The following MAEA variants were observed in gnomAD, a reference collection of about 807,000 sequenced individuals.
MAEA encodes the protein E3 ubiquitin-protein transferase MAEA.
MAEA carries 22 observed loss-of-function variants against 46.2 expected under a neutral mutation model. That is an observed-to-expected ratio of 0.48 (90% confidence interval 0.34 to 0.68). MAEA has a LOEUF of 0.68. MAEA is among the 30% of genes least tolerant of loss of function. The pLI, the probability that MAEA is intolerant of heterozygous loss-of-function variation, is 0.01. For synonymous variants in MAEA, 246 were observed against 222.6 expected, an observed-to-expected ratio of 1.11 and a Z score of -0.94; for missense variants, 393 against 558.1, an observed-to-expected ratio of 0.70 and a Z score of 2.98.
At chr4:1,320,036 GA>G (rs1737834256) in intron 3 of MAEA, among the ~76,000 whole-genome samples, 1 of 120,046 alleles carries the variant, frequency 8.3e-6, no homozygotes. Context: ...CTCCAGAAAA[GA>G]AATCATCAAA....
intron 1 of MAEA, among the ~76,000 whole-genome samples, chr4:1,307,810 C>T (rs141088798): frequency 6.6e-6 from 1 of 152,314 alleles, no homozygotes; most frequent in Non-Finnish European, 1.5e-5. Flanking sequence ...ATTGCTTATC[C>T]TCTGACTTTC....
chr4:1,291,477 G>T (rs1338620289), intron 1 of MAEA, among the ~76,000 whole-genome samples: 1 of 152,212 alleles, frequency 6.6e-6, no homozygotes, highest in Non-Finnish European at 1.5e-5. Context: ...TTGGTTTAGA[G>T]ATGGAGACCC....
Position 1,332,896 on chromosome 4 carries a change from T to C in MAEA, c.765+31T>C, listed in dbSNP as rs370861972. On this transcript the variant is annotated intron_variant, in intron 6 of 8. Coordinates refer to ENST00000303400, the MANE Select transcript of MAEA (RefSeq NM_001017405.3). ...GCGTGCGTCCCTGGGGTCGGTGTCA[T>C]GCTGGGGTGGGGATCCAGGGTGTGT... The C allele has an allele frequency of 5.8e-6, 9 of 1,545,250 alleles. No homozygotes were observed. In the East Asian group the frequency reaches 9.3e-5, roughly 16 times the overall value.
chr4:1,323,628 A>G (rs1738426289), intron 4 of MAEA: 1 of 702,468 alleles, frequency 1.4e-6, no homozygotes, highest in East Asian at 2.7e-5. Flanking sequence ...CTGCGGCCCC[A>G]CTACACAGTG....
At chr4:1,335,563 G>A (rs1212578783) in intron 6 of MAEA, 1 of 922,668 alleles carries the variant, frequency 1.1e-6, no homozygotes, top group Non-Finnish European at 1.3e-6. Context: ...GCCCCACAGT[G>A]TGTTGAAATC....
intron 1 of MAEA, among the ~76,000 whole-genome samples, chr4:1,301,460 ATTAC>A (rs1451120346): frequency 6.6e-6 from 1 of 152,264 alleles, no homozygotes; most frequent in Admixed American, 6.5e-5. Context: ...AATGCAACAA[ATTAC>A]TTAGGAAAAA....
chr4:1,336,841 C>T lies in MAEA; in HGVS notation c.766-20C>T. On this transcript the variant is annotated intron_variant, in intron 6 of 8. Transcript: ENST00000303400. ...CTTCCCTGGGAGCATCCCCAGGACC[C>T]TCTGCTCTCTGTCTTCCAGGACCTT... 6.2e-7 allele frequency: 1 copy of T among 1,611,082 alleles called. No individual in the cohort carries two copies. The highest frequency in any genetic ancestry group is 8.5e-7 in the Non-Finnish European group (1 of 1,178,418).
chr4:1,305,795 G>T (rs1735775074), intron 1 of MAEA, among the ~76,000 whole-genome samples: 1 of 152,130 alleles, frequency 6.6e-6, no homozygotes, highest in Admixed American at 6.5e-5. Context: ...GTGTCACAAA[G>T]AATTGGCTGG....
chr4:1,325,508 A>G (rs1472003452), intron 4 of MAEA, among the ~76,000 whole-genome samples: 1 of 152,204 alleles, frequency 6.6e-6, no homozygotes, highest in Non-Finnish European at 1.5e-5. Context: ...GGTGTTATTG[A>G]AAAGCAGGTT....
intron 5 of MAEA, among the ~76,000 whole-genome samples, chr4:1,328,225 G>A (rs1411307623): frequency 2.0e-5 from 3 of 152,202 alleles, no homozygotes; most frequent in Admixed American, 6.5e-5. Context: ...TGAGGCCAGC[G>A]GCGCCCTGGT....
In MAEA at chr4:1,294,970, C is replaced by T. The variant is rs558247088; in HGVS notation, c.69+4988C>T. Among the ~76,000 whole-genome samples, 8 of 152,236 alleles carry T rather than the reference C, an allele frequency of 5.3e-5. No individual in the cohort carries two copies. In the South Asian group the frequency reaches 1.7e-3, roughly 32 times the overall value. ...CCAGTAGGCACACAGGCACACAGCA[C>T]CATTGGGGTGATGTGGCTGGGGGTG... On this transcript the variant is annotated intron_variant, in intron 1 of 8. Coordinates refer to ENST00000303400, the MANE Select transcript of MAEA (RefSeq NM_001017405.3).
intron 3 of MAEA, among the ~76,000 whole-genome samples, chr4:1,318,140 G>A (rs761321234): frequency 2.5e-4 from 36 of 145,398 alleles, no homozygotes; most frequent in Admixed American, 1.1e-3. Flanking sequence ...CCCTCGCTCC[G>A]TGCTGCCCAC....
Position 1,322,605 on chromosome 4 carries a change from GT to G in MAEA, c.579+106del. ...TTGCCTGGTGGTTCACAGTAGTTTG[GT>G]TTTGGTTTGTAAGGTGGGGGTTGGG... is the stretch of plus-strand genomic sequence containing the variant. On this transcript the variant is annotated intron_variant, in intron 4 of 8. Coordinates refer to ENST00000303400, the MANE Select transcript of MAEA (RefSeq NM_001017405.3). The G allele has an allele frequency of 2.7e-6, 4 of 1,497,186 alleles. No individual in the cohort carries two copies. In the South Asian group the frequency reaches 3.8e-5, roughly 14 times the overall value. The allele number at this position is 1,497,186 out of a possible 1,614,324, so 92.7% of individuals were successfully genotyped here.
chr4:1,320,214 A>G (rs1030539694), intron 3 of MAEA, among the ~76,000 whole-genome samples: 1 of 150,010 alleles, frequency 6.7e-6, no homozygotes, highest in Non-Finnish European at 1.5e-5. Context: ...GTGCAAGAAA[A>G]CACTATGAAG....
In MAEA at chr4:1,290,856, G is replaced by A. The variant is rs143568883; in HGVS notation, c.69+874G>A. Among the ~76,000 whole-genome samples, 537 of 152,368 alleles carry A rather than the reference G, an allele frequency of 3.5e-3. 3 individuals carry two copies. Among genetic ancestry groups the A allele is most frequent in the African/African-American group, 0.012 (485 of 41,592 alleles). On this transcript the variant is annotated intron_variant, in intron 1 of 8. Coordinates refer to ENST00000303400, the MANE Select transcript of MAEA (RefSeq NM_001017405.3). ...CCCAGCCCCAGGGCAGTTCAGCGAA[G>A]GGCTGAAGAGCACAGGCTGTGAGCC... is the stretch of plus-strand genomic sequence containing the variant.
chr4:1,302,759 C>T (rs1266757070), intron 1 of MAEA, among the ~76,000 whole-genome samples: 6 of 152,206 alleles, frequency 3.9e-5, no homozygotes, highest in African/African-American at 1.2e-4. Flanking sequence ...GGATTATAGG[C>T]GTGAGCCACC....
chr4:1,336,718 G>C (rs1322299909), intron 6 of MAEA, 143 bp from the exon 7 acceptor site: 2 of 682,166 alleles, frequency 2.9e-6, no homozygotes, highest in African/African-American at 3.6e-5. Flanking sequence ...TATGCTTTGT[G>C]CTGACCCTTA....
Position 1,303,892 on chromosome 4 carries a change from CCGGCAGGGCAGGG to C in MAEA, c.70-8086_70-8074del, listed in dbSNP as rs1416911518. Among the ~76,000 whole-genome samples the C allele has an allele frequency of 2.6e-4, 30 of 114,186 alleles. 1 individual carries two copies. Among genetic ancestry groups the C allele is most frequent in the African/African-American group, 1.1e-3 (30 of 26,536 alleles). The allele number at this position is 114,186 out of a possible 152,430, so 74.9% of individuals were successfully genotyped here. ...CACAGTGCCGGCAGGGCAGGGGGGT[CCGGCAGGGCAGGG>C]TGGGGGTCGGGCAGGGCAGGGGGGT... On this transcript the variant is annotated intron_variant, in intron 1 of 8. Coordinates refer to ENST00000303400, the MANE Select transcript of MAEA (RefSeq NM_001017405.3).
At chr4:1,322,837 TG>T (rs1482533689) in intron 4 of MAEA, among the ~76,000 whole-genome samples, 2 of 151,570 alleles carry the variant, frequency 1.3e-5, no homozygotes, top group African/African-American at 2.4e-5. Flanking sequence ...GGGTACTCCA[TG>T]GGCTCCCTGT....
Sources: gnomAD v4.1 joint callset for allele counts (sites outside exome capture counted in the v4.1 genomes callset) on GRCh38, gnomAD v4.1.1 for gene constraint, MANE v1.5 for transcripts, NCBI Gene and HGNC (gene_info 2026-07-23, HGNC 2026-07-21) for gene names.